Variants in LRRC3B observed in about 807,000 individuals in gnomAD.
LRRC3B encodes leucine-rich repeat-containing protein 3B.
Under a neutral mutation model 12.8 loss-of-function variants are expected in LRRC3B, and 2 were observed. The ratio of observed to expected loss-of-function variants is 0.16; its 90% CI spans 0.06 to 0.49. The LOEUF is 0.49. LRRC3B is among the 20% of genes least tolerant of loss of function. The pLI is 0.96. For synonymous variants in LRRC3B, 132 were observed against 122.0 expected (o/e 1.08, Z -0.54); for missense variants, 189 against 319.4 (o/e 0.59, Z 3.11).
At chr3:26,630,280 A>T (rs954844477) in intron 1 of LRRC3B, among the ~76,000 whole-genome samples, 1 of 152,164 alleles carries the variant, frequency 6.6e-6, no homozygotes, top group Non-Finnish European at 1.5e-5. Context: ...GGCTTTATCA[A>T]TCTCCAGGCC....
intron 1 of LRRC3B, among the ~76,000 whole-genome samples, chr3:26,666,717 C>T (rs1280916479): frequency 6.6e-6 from 1 of 152,126 alleles, no homozygotes; most frequent in Non-Finnish European, 1.5e-5. Flanking sequence ...CAATCAAACT[C>T]CAAACAATAT....
chr3:26,693,056 C>T lies in LRRC3B; in HGVS notation c.-160-16457C>T, dbSNP rs369916463. On this transcript the variant is annotated intron_variant, in intron 1 of 1. Coordinates refer to ENST00000396641, the Ensembl canonical transcript of LRRC3B. ...GTTCTAAGATCAAGAGCAGGCCGGG[C>T]GCGGTGGCTCACGCCTGTAATCCCA... Among the ~76,000 whole-genome samples the T allele has an allele frequency of 1.2e-4, 19 of 152,186 alleles. No individual in the cohort carries two copies. The South Asian group carries it at 2.3e-3, about 18-fold the overall frequency.
chr3:26,674,298 G>A (rs1316393986), intron 1 of LRRC3B, among the ~76,000 whole-genome samples: 2 of 152,146 alleles, frequency 1.3e-5, no homozygotes, highest in Non-Finnish European at 1.5e-5. Context: ...TTGTCGTGCT[G>A]TCATAGGACA....
chr3:26,677,897 C>T (rs1575153454), intron 1 of LRRC3B, among the ~76,000 whole-genome samples: 3 of 152,176 alleles, frequency 2.0e-5, no homozygotes, highest in Admixed American at 2.0e-4. Flanking sequence ...ACCTCCTGGG[C>T]TCAAGTGATC....
intron 1 of LRRC3B, among the ~76,000 whole-genome samples, chr3:26,681,648 C>T (rs1699973558): frequency 6.6e-6 from 1 of 152,006 alleles, no homozygotes; most frequent in Admixed American, 6.5e-5. Flanking sequence ...GCCTATAGTC[C>T]CAAATAAGGG....
chr3:26,636,275 G>T (rs777882375), intron 1 of LRRC3B, among the ~76,000 whole-genome samples: 3 of 152,150 alleles, frequency 2.0e-5, no homozygotes, highest in African/African-American at 4.8e-5. Flanking sequence ...GAATTCTAAG[G>T]TGCCTTTTAA....
chr3:26,706,882 A>G (rs1700603296), intron 1 of LRRC3B, among the ~76,000 whole-genome samples: 2 of 152,218 alleles, frequency 1.3e-5, no homozygotes, highest in African/African-American at 4.8e-5. Context: ...TATAAAAATA[A>G]TTGCCATGGA....
intron 1 of LRRC3B, among the ~76,000 whole-genome samples, chr3:26,705,698 C>G (rs922725932): frequency 1.3e-5 from 2 of 152,058 alleles, no homozygotes; most frequent in African/African-American, 4.8e-5. Context: ...GGCTTTCAAG[C>G]TAAGGGAGTT....
At chr3:26,645,774 A>G (rs921683895) in intron 1 of LRRC3B, among the ~76,000 whole-genome samples, 5 of 152,148 alleles carry the variant, frequency 3.3e-5, no homozygotes, top group Admixed American at 3.3e-4. Context: ...AATGGAAAAA[A>G]AATTATGAGG....
chr3:26,661,888 C>T (rs1250517970), intron 1 of LRRC3B, among the ~76,000 whole-genome samples: 1 of 152,148 alleles, frequency 6.6e-6, no homozygotes, highest in African/African-American at 2.4e-5. Flanking sequence ...CACTTCTGTG[C>T]CTTTTAAAGA....
At chr3:26,641,299 TA>T (rs1377742851) in intron 1 of LRRC3B, among the ~76,000 whole-genome samples, 1 of 152,094 alleles carries the variant, frequency 6.6e-6, no homozygotes, top group African/African-American at 2.4e-5. Flanking sequence ...ACACCCAGAC[TA>T]GGAAACTGGG....
At chr3:26,640,386 A>G in intron 1 of LRRC3B, among the ~76,000 whole-genome samples, 1 of 150,506 alleles carries the variant, frequency 6.6e-6, no homozygotes, top group East Asian at 2.0e-4. Context: ...AACAAAACAT[A>G]CCCCCAAAAC....
At chr3:26,651,244 A>G (rs753351827) in intron 1 of LRRC3B, among the ~76,000 whole-genome samples, 9 of 152,132 alleles carry the variant, frequency 5.9e-5, no homozygotes, top group Non-Finnish European at 1.2e-4. Context: ...GTGAAGAACA[A>G]TTTTCTGGGA....
intron 1 of LRRC3B, among the ~76,000 whole-genome samples, chr3:26,678,939 G>A (rs1311247348): frequency 2.6e-5 from 4 of 152,196 alleles, no homozygotes; most frequent in East Asian, 3.9e-4. Context: ...GATCTTCCAG[G>A]AGTATTTGGG....
At chr3:26,672,917 T>C (rs1699780584) in intron 1 of LRRC3B, among the ~76,000 whole-genome samples, 1 of 152,212 alleles carries the variant, frequency 6.6e-6, no homozygotes, top group Admixed American at 6.5e-5. Flanking sequence ...CTGTACAGAA[T>C]GACTTTGAGA....
At chr3:26,700,451 G>A (rs1700426083) in intron 1 of LRRC3B, among the ~76,000 whole-genome samples, 1 of 152,146 alleles carries the variant, frequency 6.6e-6, no homozygotes, top group Non-Finnish European at 1.5e-5. Context: ...CAGCTGTATG[G>A]CTTTGAGGAG....
intron 1 of LRRC3B, among the ~76,000 whole-genome samples, chr3:26,677,533 G>A (rs1288615677): frequency 1.3e-5 from 2 of 152,210 alleles, no homozygotes; most frequent in Admixed American, 1.3e-4. Context: ...TGGCCTATGT[G>A]AGTCAAAGCA....
rs115916570 is a variant in LRRC3B, at chr3:26,637,377, C to T, written c.-161+14140C>T. ...GTTGTTTGCTTCTCAACCTCCACCA[C>T]CTCAAATTCACCGTCAACTTCTAGG... is the stretch of plus-strand genomic sequence containing the variant. On this transcript the variant is annotated intron_variant, in intron 1 of 1. Transcript: ENST00000396641. Among the ~76,000 whole-genome samples, 1,319 of 152,270 alleles carry T rather than the reference C, an allele frequency of 8.7e-3. 8 individuals carry two copies. The highest frequency in any genetic ancestry group is 0.037 in the Middle Eastern group (11 of 294).
At chr3:26,623,061 C>T (rs560478074) in exon 1 of LRRC3B, 1 of 152,094 alleles carries the variant, frequency 6.6e-6, no homozygotes, top group South Asian at 2.0e-4. Context: ...CCGCCTTCGC[C>T]GGGAGCCAAG....
Sources: allele counts gnomAD v4.1 joint callset (sites outside exome capture counted in the v4.1 genomes callset), GRCh38; gene constraint gnomAD v4.1.1; transcripts MANE v1.5; gene names NCBI Gene and HGNC (gene_info 2026-07-23, HGNC 2026-07-21).